MTUS2: variants seen among roughly 807,000 people sequenced by gnomAD.
The protein encoded by MTUS2 is microtubule associated scaffold protein 2, also known as microtubule-associated tumor suppressor candidate 2.
Under a neutral mutation model 114.1 loss-of-function variants are expected in MTUS2, and 40 were observed. That is an observed-to-expected ratio of 0.35 (90% CI 0.27 to 0.46). MTUS2 has a LOEUF of 0.46. Among genes scored for constraint, MTUS2 ranks in the 20% least tolerant of loss-of-function variants. The pLI is 1.00. For synonymous variants in MTUS2, 688 were observed against 672.0 expected, an observed-to-expected ratio of 1.02 and a Z score of -0.37; for missense variants, 1,679 against 1,705.4, an observed-to-expected ratio of 0.98 and a Z score of 0.27.
intron 1 of MTUS2, among the ~76,000 whole-genome samples, chr13:28,829,909 T>A (rs754921648): frequency 6.6e-6 from 1 of 152,202 alleles, no homozygotes; most frequent in Admixed American, 6.5e-5. Flanking sequence ...AAGGCCTTAA[T>A]CTGTCATCTC....
intron 5 of MTUS2, among the ~76,000 whole-genome samples, chr13:29,114,015 T>C (rs1890984488): frequency 6.6e-6 from 1 of 152,154 alleles, no homozygotes; most frequent in Admixed American, 6.5e-5. Context: ...CCCCTGTCTC[T>C]CTTATGCTCT....
rs1347171193 is a variant in MTUS2, at chr13:28,928,121, AAT to A, written c.-243+88272_-243+88273del. On this transcript the variant is annotated intron_variant, in intron 2 of 15. Coordinates refer to ENST00000612955, the MANE Select transcript of MTUS2 (RefSeq NM_001033602.4). ...CAAATAAAAATGGAATAAAGACTTA[AAT>A]CTAAGACCTGAAAGCATGAAACTAC... Among the ~76,000 whole-genome samples, 14 of 152,334 alleles carry A rather than the reference AAT, an allele frequency of 9.2e-5. No homozygotes were observed. The East Asian group carries it at 2.3e-3, about 25-fold the overall frequency.
rs144959437 is a variant in MTUS2 at position 29,048,293 on chromosome 13, A to T, written c.2446+14168A>T. 5.4e-3 allele frequency among the ~76,000 whole-genome samples: 825 copies of T among 152,324 alleles called. 8 individuals are homozygous for T. Among genetic ancestry groups the T allele is most frequent in the Non-Finnish European group, 7.2e-3 (493 of 68,034 alleles). On this transcript the variant is annotated intron_variant, in intron 4 of 15. Transcript: ENST00000612955. Reference sequence around the variant, plus strand: ...TAGCTTCTTAAACATATGAAATATAATACCTGTTTAACTGTCCCTGTCTAG... The same window carrying T: ...TAGCTTCTTAAACATATGAAATATATTACCTGTTTAACTGTCCCTGTCTAG...
intron 2 of MTUS2, among the ~76,000 whole-genome samples, chr13:28,944,325 T>G (rs1882403546): frequency 1.3e-5 from 2 of 152,216 alleles, no homozygotes; most frequent in South Asian, 4.1e-4. Flanking sequence ...TTATTTCTTC[T>G]AAGTGTATAG....
chr13:29,019,359 G>A (rs1886201428), intron 2 of MTUS2, among the ~76,000 whole-genome samples: 1 of 152,136 alleles, frequency 6.6e-6, no homozygotes, highest in African/African-American at 2.4e-5. Context: ...GTCGATGAAT[G>A]ACACCAGTGA....
At chr13:29,069,507 C>T (rs1888814306) in intron 4 of MTUS2, among the ~76,000 whole-genome samples, 1 of 152,158 alleles carries the variant, frequency 6.6e-6, no homozygotes. Context: ...AATTCAAATG[C>T]TAATATCTTC....
intron 2 of MTUS2, among the ~76,000 whole-genome samples, chr13:28,949,105 T>C (rs772777894): frequency 6.6e-6 from 1 of 152,228 alleles, no homozygotes; most frequent in Non-Finnish European, 1.5e-5. Flanking sequence ...AAGAAACTTG[T>C]TTTTCAATCT....
In MTUS2 at chr13:29,118,023, GTGGCTT is replaced by G. The variant is rs536750654; in HGVS notation, c.2644+17056_2644+17061del. 3.3e-5 allele frequency among the ~76,000 whole-genome samples: 5 copies of G among 152,288 alleles called. No homozygotes were observed. In the South Asian group the frequency reaches 1.0e-3, roughly 32 times the overall value. On this transcript the variant is annotated intron_variant, in intron 5 of 15. Transcript: ENST00000612955. ...GGTGCTATTAGTTTTGTGTGCACCA[GTGGCTT>G]TGAAGGTGCATGAAAAATAGACCAC...
At chr13:29,234,912 AT>A (rs1273280777) in intron 5 of MTUS2, among the ~76,000 whole-genome samples, 8 of 151,958 alleles carry the variant, frequency 5.3e-5, no homozygotes. Flanking sequence ...ACAAGTTTTT[AT>A]TTATTTGTAA....
chr13:29,070,975 T>G (rs1888893059), intron 4 of MTUS2, among the ~76,000 whole-genome samples: 2 of 99,142 alleles, frequency 2.0e-5, no homozygotes, highest in South Asian at 5.4e-4. Flanking sequence ...GGCTTCTGAT[T>G]GCTTGTTTTT....
intron 1 of MTUS2, among the ~76,000 whole-genome samples, chr13:28,823,891 A>G (rs1448240454): frequency 6.6e-6 from 1 of 152,208 alleles, no homozygotes; most frequent in East Asian, 1.9e-4. Context: ...AAAAATGAGC[A>G]AAAGGGGGAA....
chr13:29,121,724 G>T (rs7999357), intron 5 of MTUS2, among the ~76,000 whole-genome samples: 95,385 of 151,258 alleles, frequency 0.63, 31,451 homozygotes, highest in Non-Finnish European at 0.74. Context: ...TGGCATGATC[G>T]CGGCTCACCG....
At chr13:29,198,638 G>A (rs9634322) in intron 5 of MTUS2, among the ~76,000 whole-genome samples, 3,821 of 152,180 alleles carry the variant, frequency 0.025, 95 homozygotes, top group East Asian at 0.067. Context: ...GGATAGCATT[G>A]AATCTATAAA....
At chr13:28,893,484 T>C (rs1307277650) in intron 2 of MTUS2, among the ~76,000 whole-genome samples, 1 of 152,186 alleles carries the variant, frequency 6.6e-6, no homozygotes, top group Non-Finnish European at 1.5e-5. Flanking sequence ...GGTCAACTGA[T>C]GTGATTTGTG....
Position 29,056,526 on chromosome 13 carries a change from T to A in MTUS2, c.2446+22401T>A, listed in dbSNP as rs148410295. On this transcript the variant is annotated intron_variant, in intron 4 of 15. Coordinates refer to ENST00000612955, the MANE Select transcript of MTUS2 (RefSeq NM_001033602.4). Reference sequence around the variant, plus strand: ...CTGATTTGATTTCAGAACCTGTTATTCATATGTTCAGGGATTGAATTTCTT... The same window carrying A: ...CTGATTTGATTTCAGAACCTGTTATACATATGTTCAGGGATTGAATTTCTT... Among the ~76,000 whole-genome samples, 1,250 of 152,236 alleles carry A rather than the reference T, an allele frequency of 8.2e-3. 14 individuals are homozygous for A. Among genetic ancestry groups the A allele is most frequent in the African/African-American group, 0.029 (1,187 of 41,560 alleles).
chr13:29,405,339 ATATTGACAACCTG>A (rs1329093883), intron 8 of MTUS2, among the ~76,000 whole-genome samples: 1 of 152,228 alleles, frequency 6.6e-6, no homozygotes, highest in East Asian at 1.9e-4. Context: ...ACTTTCAATC[ATATTGACAACCTG>A]TTTTTGACTT....
At chr13:28,967,354 G>A (rs1219766121) in intron 2 of MTUS2, among the ~76,000 whole-genome samples, 1 of 152,110 alleles carries the variant, frequency 6.6e-6, no homozygotes, top group Non-Finnish European at 1.5e-5. Context: ...TTCCAGGAAG[G>A]TTAAAATTAA....
intron 1 of MTUS2, among the ~76,000 whole-genome samples, chr13:28,836,835 C>G (rs1593234180): frequency 6.6e-6 from 1 of 152,154 alleles, no homozygotes; most frequent in East Asian, 1.9e-4. Context: ...AGGGCACCTA[C>G]AAGGGGCTTT....
chr13:29,447,145 C>T (rs1441913836), intron 9 of MTUS2, among the ~76,000 whole-genome samples: 1 of 152,036 alleles, frequency 6.6e-6, no homozygotes, highest in African/African-American at 2.4e-5. Context: ...ATGTGAAATG[C>T]TTCTGGTGCC....
Sources: gnomAD v4.1 joint callset for allele counts (sites outside exome capture counted in the v4.1 genomes callset) on GRCh38, gnomAD v4.1.1 for gene constraint, MANE v1.5 for transcripts, NCBI Gene and HGNC (gene_info 2026-07-23, HGNC 2026-07-21) for gene names.